Variants in TMEM72 observed in about 807,000 individuals in gnomAD.
TMEM72 encodes the protein kidney-specific secretory protein of 37 kDa.
In TMEM72, 9 loss-of-function variants were observed where a neutral mutation model predicts 16.3. The ratio of observed to expected loss-of-function variants is 0.55; its 90% CI spans 0.33 to 0.96. TMEM72 has a LOEUF of 0.96. TMEM72 is among the 40% of genes least tolerant of loss of function. TMEM72 has a pLI of 0.03. For synonymous variants in TMEM72, 160 were observed against 146.5 expected, an observed-to-expected ratio of 1.09 and a Z score of -0.66; for missense variants, 324 against 337.8, an observed-to-expected ratio of 0.96 and a Z score of 0.32.
chr10:44,928,817 C>A (rs1209724472), intron 2 of TMEM72, among the ~76,000 whole-genome samples: 1 of 151,794 alleles, frequency 6.6e-6, no homozygotes, highest in East Asian at 1.9e-4. Context: ...CATCCATCCA[C>A]CCACCTATCC....
intron 2 of TMEM72, among the ~76,000 whole-genome samples, chr10:44,928,788 A>G (rs1840243776): frequency 7.1e-6 from 1 of 141,660 alleles, no homozygotes; most frequent in Non-Finnish European, 1.6e-5. Context: ...TCATTTACCC[A>G]TCCATACATC....
chr10:44,935,230 G>C lies in TMEM72; in HGVS notation c.*96G>C. The C allele has an allele frequency of 7.9e-7, 1 of 1,262,222 alleles. No individual in the cohort carries two copies. Among genetic ancestry groups the C allele is most frequent in the East Asian group, 2.5e-5 (1 of 39,776 alleles). 78.2% of individuals were successfully genotyped at this position (1,262,222 alleles called of 1,614,324 possible). On this transcript the variant is annotated 3_prime_UTR_variant, in exon 5 of 5. Coordinates refer to ENST00000389583, the MANE Select transcript of TMEM72 (RefSeq NM_001123376.3). ...GGGTCTTCTCTGGTCAGCTTTTCAA[G>C]GGGTAACCAGACACCCCCACACTGG...
At chr10:44,925,503 G>T (rs1334686493) in intron 1 of TMEM72, among the ~76,000 whole-genome samples, 1 of 152,228 alleles carries the variant, frequency 6.6e-6, no homozygotes, top group African/African-American at 2.4e-5. Context: ...CCCAGGGCAG[G>T]AAGCACTTCT....
At chr10:44,932,599 G>A (rs534724930) in intron 3 of TMEM72, among the ~76,000 whole-genome samples, 34 of 152,292 alleles carry the variant, frequency 2.2e-4, no homozygotes, top group Admixed American at 3.3e-4. Flanking sequence ...AGCTGTTATC[G>A]GTGAGACCGA....
At chr10:44,926,852 C>T (rs1023358817) in intron 1 of TMEM72, among the ~76,000 whole-genome samples, 4 of 150,658 alleles carry the variant, frequency 2.7e-5, no homozygotes, top group African/African-American at 9.7e-5. Context: ...CAAGGCTCTT[C>T]CCTGCTCTCT....
intron 1 of TMEM72, among the ~76,000 whole-genome samples, chr10:44,914,686 C>T (rs1463302890): frequency 2.6e-5 from 4 of 152,182 alleles, no homozygotes; most frequent in East Asian, 1.9e-4. Context: ...AGAGGAGGCT[C>T]AGCCCTGTGA....
At chr10:44,923,228 T>G (rs1259993587) in intron 1 of TMEM72, 1 of 152,322 alleles carries the variant, frequency 6.6e-6, no homozygotes, top group Non-Finnish European at 1.5e-5. Flanking sequence ...CTGCTGGAGC[T>G]GGAATGTCAA....
intron 1 of TMEM72, among the ~76,000 whole-genome samples, chr10:44,918,002 C>T (rs1357975880): frequency 2.0e-5 from 3 of 152,160 alleles, no homozygotes; most frequent in Admixed American, 1.3e-4. Context: ...TTCCATGTGG[C>T]TGAGGAAGCC....
At chr10:44,932,197 C>T in intron 3 of TMEM72, 128 bp downstream of exon 3, 1 of 1,139,364 alleles carries the variant, frequency 8.8e-7, no homozygotes, top group East Asian at 2.6e-5. Context: ...GAGCCCCCCA[C>T]CGAGGTACAA....
rs1317304136 is a variant in TMEM72 at position 44,935,004 on chromosome 10, C to T, written c.698C>T (p.Pro233Leu). ...HFEDNLVRIV[P>L]SLAEGLDDGD... ...GAAGACAACTTGGTCCGCATAGTCC[C>T]CTCCCTCGCCGAAGGTCTGGATGAT... The change falls in exon 5 of 5, where the codon CCC becomes CTC. Residue 233 changes from proline to leucine, a missense_variant. Pro to Leu is a moderately conservative substitution (Grantham distance 98). Coordinates refer to ENST00000389583, the MANE Select transcript of TMEM72 (RefSeq NM_001123376.3). The T allele has an allele frequency of 6.2e-7, 1 of 1,613,866 alleles. No individual in the cohort carries two copies. Among genetic ancestry groups the T allele is most frequent in the Non-Finnish European group, 8.5e-7 (1 of 1,179,920 alleles).
At chr10:44,913,331 C>T (rs1384552343) in intron 1 of TMEM72, among the ~76,000 whole-genome samples, 7 of 152,104 alleles carry the variant, frequency 4.6e-5, no homozygotes, top group Non-Finnish European at 8.8e-5. Flanking sequence ...CACCTCCCGT[C>T]GAGAGGCTGT....
intron 1 of TMEM72, among the ~76,000 whole-genome samples, chr10:44,922,368 C>T (rs1196245199): frequency 3.3e-5 from 5 of 152,198 alleles, no homozygotes; most frequent in African/African-American, 9.7e-5. Context: ...TCATGTTCAC[C>T]TCCTGCCAAT....
intron 4 of TMEM72, 138 bp downstream of exon 4, chr10:44,933,914 T>C: frequency 8.2e-6 from 9 of 1,096,440 alleles, no homozygotes; most frequent in South Asian, 1.8e-5. Context: ...ACCTAGAGGG[T>C]GGACATGAGG....
chr10:44,911,673 G>A, intron 1 of TMEM72, 91 bp downstream of exon 1: 1 of 1,404,082 alleles, frequency 7.1e-7, no homozygotes, highest in Non-Finnish European at 9.8e-7. Flanking sequence ...GAGACAGCAG[G>A]CACATCTGGC....
intron 1 of TMEM72, among the ~76,000 whole-genome samples, chr10:44,920,752 G>A (rs569976492): frequency 3.5e-4 from 53 of 152,354 alleles, no homozygotes; most frequent in South Asian, 1.9e-3. Context: ...CATTTACTTA[G>A]ACTGAGCAGT....
intron 2 of TMEM72, among the ~76,000 whole-genome samples, chr10:44,928,605 T>C (rs1840239723): frequency 7.7e-6 from 1 of 130,194 alleles, no homozygotes; most frequent in African/African-American, 3.0e-5. Flanking sequence ...CACCTGCTTA[T>C]CCATCCATCT....
intron 1 of TMEM72, among the ~76,000 whole-genome samples, chr10:44,916,005 C>T (rs4948929): frequency 6.6e-6 from 1 of 152,004 alleles, no homozygotes; most frequent in Non-Finnish European, 1.5e-5. Context: ...ATGCCTGAGA[C>T]GCTAGAGTGC....
intron 1 of TMEM72, among the ~76,000 whole-genome samples, chr10:44,921,441 T>C (rs752818362): frequency 3.3e-4 from 50 of 152,230 alleles, no homozygotes; most frequent in Admixed American, 2.8e-3. Flanking sequence ...ACAGCCGGAC[T>C]GAAGCACATC....
chr10:44,914,894 C>G (rs540797521), intron 1 of TMEM72, among the ~76,000 whole-genome samples: 1 of 152,214 alleles, frequency 6.6e-6, no homozygotes, highest in Non-Finnish European at 1.5e-5. Flanking sequence ...ACCCTTTAAC[C>G]TCAGGGGAAT....
Sources: allele counts gnomAD v4.1 joint callset (sites outside exome capture counted in the v4.1 genomes callset), GRCh38; gene constraint gnomAD v4.1.1; transcripts MANE v1.5; gene names NCBI Gene and HGNC (gene_info 2026-07-23, HGNC 2026-07-21).